OSBPL10: variants seen among roughly 807,000 people sequenced by gnomAD.
OSBPL10 encodes oxysterol-binding protein-related protein 10.
A neutral mutation model predicts 81.7 loss-of-function variants in OSBPL10; 49 were observed. The ratio of observed to expected loss-of-function variants is 0.60; its 90% CI spans 0.48 to 0.76. The LOEUF (loss-of-function observed/expected upper bound fraction) is 0.76. OSBPL10 is among the 30% of genes least tolerant of loss of function. The probability of loss-of-function intolerance (pLI) is 0.00; values close to 1 mark genes in which losing one functional copy is unlikely to be tolerated. For missense variants in OSBPL10, 923 were observed against 987.8 expected (o/e 0.93, Z 0.88); for synonymous variants, 419 against 383.6 (o/e 1.09, Z -1.08).
chr3:31,977,399 C>T (rs1279895648), intron 1 of OSBPL10, among the ~76,000 whole-genome samples: 4 of 152,154 alleles, frequency 2.6e-5, no homozygotes, highest in African/African-American at 9.7e-5. Flanking sequence ...TTGAAAATCT[C>T]ATCTCTACAC....
At chr3:31,973,651 G>A (rs946400407) in intron 1 of OSBPL10, among the ~76,000 whole-genome samples, 7 of 152,220 alleles carry the variant, frequency 4.6e-5, no homozygotes, top group African/African-American at 1.2e-4. Flanking sequence ...CCATGCACAT[G>A]AGGAAGTGGC....
At chr3:31,795,717 G>GTCTC (rs1699192533) in intron 4 of OSBPL10, 1 of 217,684 alleles carries the variant, frequency 4.6e-6, no homozygotes, top group African/African-American at 2.3e-5. Flanking sequence ...TTAGGAACAG[G>GTCTC]TCTCACCTCC....
intron 1 of OSBPL10, among the ~76,000 whole-genome samples, chr3:31,927,620 C>T (rs988587606): frequency 6.6e-6 from 1 of 152,170 alleles, no homozygotes; most frequent in Non-Finnish European, 1.5e-5. Context: ...CACTAAATGG[C>T]CCTAAGTGGC....
intron 3 of OSBPL10, among the ~76,000 whole-genome samples, chr3:31,832,444 C>T (rs1700267739): frequency 6.6e-6 from 1 of 152,088 alleles, no homozygotes; most frequent in Admixed American, 6.5e-5. Flanking sequence ...TGAGAAAAGG[C>T]AAGTTAGATA....
chr3:31,685,229 G>T (rs1302573604), intron 7 of OSBPL10, among the ~76,000 whole-genome samples: 1 of 152,260 alleles, frequency 6.6e-6, no homozygotes, highest in Middle Eastern at 3.4e-3. Flanking sequence ...TTGAGACAGA[G>T]TCACCTTCTG....
chr3:31,798,264 T>C lies in OSBPL10; in HGVS notation c.729+31776A>G, dbSNP rs539982805. Among the ~76,000 whole-genome samples, 12 of 152,184 alleles carry C rather than the reference T, an allele frequency of 7.9e-5. No individual in the cohort carries two copies. The East Asian group carries it at 2.3e-3, about 29-fold the overall frequency. Reference sequence around the variant, plus strand: ...GGCCAACATGATGAAACCCCGTCTCTAGTAAAAACATAAAAATTAGCTGGG... The same window carrying C: ...GGCCAACATGATGAAACCCCGTCTCCAGTAAAAACATAAAAATTAGCTGGG... On this transcript the variant is annotated intron_variant, in intron 4 of 11. Coordinates refer to ENST00000396556, the MANE Select transcript of OSBPL10 (RefSeq NM_017784.5).
intron 4 of OSBPL10, among the ~76,000 whole-genome samples, chr3:31,798,748 G>C (rs1364439311): frequency 3.3e-5 from 5 of 151,934 alleles, no homozygotes; most frequent in African/African-American, 1.2e-4. Context: ...CCCCACCTAG[G>C]TCCTGTTTTA....
rs756460016 is a variant in OSBPL10 at position 31,733,399 on chromosome 3, C to T, written c.953G>A (p.Gly318Glu). ...GGAATGTGACTTGGACCCGTGCCAT[C>T]CCAGGATGTTTTCTGAAATAAAGAC... ...QKPGASENILGWHGSKSHSTE... is the reference protein window; with the variant it reads ...QKPGASENILEWHGSKSHSTE... The change falls in exon 6 of 12, where the codon GGA becomes GAA. Residue 318 changes from glycine (G) to glutamate (E), a missense_variant. This residue lies in a region of OSBPL10 where 514 missense variants were observed against 508.0 expected (regional missense o/e 1.01). Transcript: ENST00000396556. The T allele has an allele frequency of 4.3e-6, 7 of 1,614,104 alleles. No individual in the cohort carries two copies. The Admixed American group carries it at 8.3e-5, about 19-fold the overall frequency.
At chr3:31,812,085 T>C (rs1336402707) in intron 4 of OSBPL10, among the ~76,000 whole-genome samples, 2 of 152,206 alleles carry the variant, frequency 1.3e-5, no homozygotes. Context: ...TGGAGTGCAG[T>C]GTCGCGATCT....
chr3:31,805,058 GGTC>G (rs1699488603), intron 4 of OSBPL10, among the ~76,000 whole-genome samples: 1 of 152,044 alleles, frequency 6.6e-6, no homozygotes. Context: ...AGGTGCTCAG[GGTC>G]TGATGTATCT....
chr3:32,003,675 T>C (rs543275410), intron 2 of OSBPL10, among the ~76,000 whole-genome samples: 2 of 152,110 alleles, frequency 1.3e-5, no homozygotes, highest in South Asian at 4.2e-4. Context: ...CCGAAACCAA[T>C]CAGGAACAAA....
intron 2 of OSBPL10, 92 bp downstream of exon 2, chr3:31,879,563 G>C: frequency 3.0e-6 from 4 of 1,335,306 alleles, no homozygotes; most frequent in South Asian, 1.5e-5. Flanking sequence ...ACTGTCAAAG[G>C]CAATTTAAAA....
intron 1 of OSBPL10, among the ~76,000 whole-genome samples, chr3:32,060,056 T>C (rs541142148): frequency 2.6e-5 from 4 of 151,868 alleles, no homozygotes; most frequent in African/African-American, 9.7e-5. Context: ...AGGTACGAAA[T>C]TATCTTCGTG....
rs768296819 is a variant in OSBPL10, at chr3:31,928,762, C to CCAAAAAAAAAAAA, written c.282-48933_282-48932insTTTTTTTTTTTTG. On this transcript the variant is annotated intron_variant, in intron 1 of 11. Transcript: ENST00000396556. ...TCTGGGCGACAGTGAGACTTGTCTC[C>CCAAAAAAAAAAAA]AAAAAAAAAAAAAAAAAAAGAATGC... 4.4e-4 allele frequency among the ~76,000 whole-genome samples: 42 copies of CCAAAAAAAAAAAA among 95,078 alleles called. 1 individual carries two copies. The highest frequency in any genetic ancestry group is 5.9e-4 in the East Asian group (2 of 3,378). 62.4% of individuals were successfully genotyped at this position (95,078 alleles called of 152,430 possible).
At chr3:32,022,284 G>C (rs1699368834) in intron 2 of OSBPL10, among the ~76,000 whole-genome samples, 1 of 152,218 alleles carries the variant, frequency 6.6e-6, no homozygotes, top group Non-Finnish European at 1.5e-5. Context: ...AGTGAGGCAT[G>C]TATTGCAGGG....
chr3:31,982,605 G>A (rs1698872646), upstream of OSBPL10, among the ~76,000 whole-genome samples: 1 of 151,838 alleles, frequency 6.6e-6, no homozygotes, highest in South Asian at 2.1e-4. Flanking sequence ...AAGAGAAGTG[G>A]TTGTGCCCCT....
At position 31,980,968 on chromosome 3, in the gene OSBPL10, C is replaced by A; in HGVS notation, c.212G>T (p.Arg71Leu). Residue 71 changes from arginine (R) to leucine (L), a missense_variant, in exon 1 of 12, where the codon CGC (arginine) becomes CTC (leucine). This residue lies in a region of OSBPL10 where 514 missense variants were observed against 508.0 expected (regional missense o/e 1.01). Coordinates refer to ENST00000396556, the MANE Select transcript of OSBPL10 (RefSeq NM_017784.5). ...VAASPSGGGG[R>L]RREPALEGVL... ...GCCCTCGAGCGCCGGCTCCCTCCTGCGGCCGCCTCCCCCGGACGGGCTAGC... is the reference window on the plus strand; with the variant it reads ...GCCCTCGAGCGCCGGCTCCCTCCTGAGGCCGCCTCCCCCGGACGGGCTAGC... 6.4e-7 allele frequency: 1 copy of A among 1,568,468 alleles called. No homozygotes were observed. Among genetic ancestry groups the A allele is most frequent in the South Asian group, 1.2e-5 (1 of 86,942 alleles).
intron 1 of OSBPL10, among the ~76,000 whole-genome samples, chr3:31,926,288 T>TTCCCCCCCCCC (rs1034706033): frequency 2.3e-5 from 2 of 88,146 alleles, no homozygotes; most frequent in Non-Finnish European, 2.2e-5. Flanking sequence ...TGGGTGATTT[T>TTCCCCCCCCCC]GCCCCCCCAG....
chr3:31,852,241 C>A (rs1700786594), intron 3 of OSBPL10, among the ~76,000 whole-genome samples: 1 of 152,152 alleles, frequency 6.6e-6, no homozygotes, highest in Non-Finnish European at 1.5e-5. Context: ...ATGAGGGTGA[C>A]TGTGCTCCTT....
Sources: gnomAD v4.1 joint callset for allele counts (sites outside exome capture counted in the v4.1 genomes callset) on GRCh38, gnomAD v4.1.1 for gene constraint, gnomAD v4.1.1 regional missense constraint, MANE v1.5 for transcripts, NCBI Gene and HGNC (gene_info 2026-07-23, HGNC 2026-07-21) for gene names.